The following HORMAD2 variants were observed in gnomAD, a reference collection of about 807,000 sequenced individuals.
HORMAD2 encodes HORMA domain-containing protein 2.
Under a neutral mutation model 38.8 loss-of-function variants are expected in HORMAD2, and 45 were observed. The observed-to-expected ratio is 1.16, with a 90% CI of 0.91 to 1.49. HORMAD2 has a LOEUF of 1.49. Ranked by LOEUF, HORMAD2 falls within the 40% of genes most tolerant of loss-of-function variation. The pLI is 0.00. For missense variants in HORMAD2, 338 were observed against 367.0 expected (o/e 0.92, Z 0.65); for synonymous variants, 126 against 122.8 (o/e 1.03, Z -0.17).
At position 30,121,652 on chromosome 22, in the gene HORMAD2, T is replaced by A; in HGVS notation, c.431T>A (p.Phe144Tyr). The A allele has an allele frequency of 1.9e-6, 3 of 1,598,858 alleles. No individual in the cohort carries two copies. The highest frequency in any genetic ancestry group is 1.7e-6 in the Non-Finnish European group (2 of 1,172,040). ...DFDSHSSSTS[F>Y]ESGTNNEDIK... Reference sequence around the variant, plus strand: ...TGTAGTCATAGCAGCAGTACAAGCTTTGAAAGTGGAACAAACAATGAAGAT... The same window carrying A: ...TGTAGTCATAGCAGCAGTACAAGCTATGAAAGTGGAACAAACAATGAAGAT... Residue 144 changes from phenylalanine to tyrosine, a missense_variant, in exon 9 of 11, where the codon TTT becomes TAT. Physicochemically the swap from Phe to Tyr is conservative, Grantham distance 22 (BLOSUM62 3). Transcript: ENST00000336726.
intron 3 of HORMAD2, among the ~76,000 whole-genome samples, chr22:30,100,903 G>A (rs1920938847): frequency 6.6e-6 from 1 of 152,188 alleles, no homozygotes; most frequent in African/African-American, 2.4e-5. Context: ...ATGCCAGTTA[G>A]AACGGAAATC....
the HORMAD2 span, among the ~76,000 whole-genome samples, chr22:30,205,863 G>C: frequency 6.6e-6 from 1 of 152,230 alleles, no homozygotes; most frequent in East Asian, 1.9e-4. Flanking sequence ...ACTCCAGCCT[G>C]ATGGAGAAAT....
At position 30,127,083 on chromosome 22, in the gene HORMAD2, T is replaced by C. The variant is rs528135691; in HGVS notation, c.819+4869T>C. The stretch of plus-strand genomic sequence containing the variant: ...ATTGTCTTTCAATCCTACTGATTTG[T>C]AGGAGCTCTGCATATATATTCTGCA... On this transcript the variant is annotated intron_variant, in intron 10 of 10. Coordinates refer to ENST00000336726, the MANE Select transcript of HORMAD2 (RefSeq NM_152510.4). 2.0e-5 allele frequency among the ~76,000 whole-genome samples: 3 copies of C among 152,246 alleles called. No individual in the cohort carries two copies. The South Asian group carries it at 6.2e-4, about 31-fold the overall frequency.
the HORMAD2 span, among the ~76,000 whole-genome samples, chr22:30,188,557 A>G: frequency 6.6e-6 from 1 of 152,208 alleles, no homozygotes; most frequent in Non-Finnish European, 1.5e-5. Flanking sequence ...TATGTACATA[A>G]ATTTCCACAA....
At chr22:30,178,398 G>A (rs1926569401), downstream of HORMAD2, among the ~76,000 whole-genome samples, 1 of 152,212 alleles carries the variant, frequency 6.6e-6, no homozygotes, top group Admixed American at 6.5e-5. Flanking sequence ...AGACAACAGA[G>A]AAGTTTCTGG....
chr22:30,197,966 C>T, the HORMAD2 span, among the ~76,000 whole-genome samples: 3 of 151,880 alleles, frequency 2.0e-5, no homozygotes, highest in African/African-American at 7.3e-5. Flanking sequence ...CACTTGAGGT[C>T]AGGAGTTCAA....
intron 3 of HORMAD2, among the ~76,000 whole-genome samples, chr22:30,101,393 A>G (rs1601516517): frequency 6.6e-6 from 1 of 151,272 alleles, no homozygotes; most frequent in African/African-American, 2.4e-5. Flanking sequence ...ATGAGAACAC[A>G]TGGAAACAGG....
the HORMAD2 span, among the ~76,000 whole-genome samples, chr22:30,195,624 T>C: frequency 6.6e-6 from 1 of 152,220 alleles, no homozygotes; most frequent in African/African-American, 2.4e-5. Context: ...TTTCTGAAGA[T>C]AGAAATTACC....
At chr22:30,111,614 C>T (rs1921661790) in intron 5 of HORMAD2, among the ~76,000 whole-genome samples, 182 bp from the exon 6 acceptor site, 1 of 152,168 alleles carries the variant, frequency 6.6e-6, no homozygotes, top group South Asian at 2.1e-4. Flanking sequence ...AGTCCTGGAA[C>T]TAATTCCTTC....
intron 10 of HORMAD2, among the ~76,000 whole-genome samples, chr22:30,128,570 T>A (rs1376493930): frequency 2.0e-5 from 3 of 152,182 alleles, no homozygotes; most frequent in Admixed American, 6.5e-5. Context: ...ATTTAAAAAA[T>A]TTTTCTACGA....
chr22:30,122,440 A>C (rs1922527767), intron 10 of HORMAD2, among the ~76,000 whole-genome samples: 1 of 152,172 alleles, frequency 6.6e-6, no homozygotes, highest in Non-Finnish European at 1.5e-5. Flanking sequence ...ATTTTCTAAT[A>C]TATTTATTTT....
the HORMAD2 span, among the ~76,000 whole-genome samples, chr22:30,199,737 C>CT: frequency 1.0e-3 from 147 of 143,114 alleles, 1 homozygote; most frequent in South Asian, 0.016. Context: ...TTTTTTCTTT[C>CT]TTTTTTTTTT....
chr22:30,085,431 A>G (rs2068554252), intron 1 of HORMAD2, among the ~76,000 whole-genome samples: 1 of 152,182 alleles, frequency 6.6e-6, no homozygotes, highest in Non-Finnish European at 1.5e-5. Flanking sequence ...TTGTGAATAT[A>G]CTAAAACCCA....
chr22:30,097,589 T>C (rs1007233053), intron 2 of HORMAD2, among the ~76,000 whole-genome samples: 8 of 152,102 alleles, frequency 5.3e-5, no homozygotes, highest in Admixed American at 5.2e-4. Context: ...AGTAGATGAA[T>C]AGCCACAATT....
At chr22:30,134,159 G>A (rs982860437) in intron 10 of HORMAD2, among the ~76,000 whole-genome samples, 5 of 151,998 alleles carry the variant, frequency 3.3e-5, no homozygotes, top group South Asian at 2.1e-4. Context: ...AGCACTCTGC[G>A]AGGCCAAGGC....
At chr22:30,146,833 T>C (rs1924449061) in intron 10 of HORMAD2, among the ~76,000 whole-genome samples, 1 of 152,148 alleles carries the variant, frequency 6.6e-6, no homozygotes, top group African/African-American at 2.4e-5. Context: ...AGAACTAATA[T>C]ATAATACATG....
At chr22:30,077,853 C>A (rs975092211), upstream of HORMAD2, among the ~76,000 whole-genome samples, 2 of 152,194 alleles carry the variant, frequency 1.3e-5, no homozygotes, top group Admixed American at 6.5e-5. Flanking sequence ...AATGTTGTTC[C>A]TTAAGTAACC....
intron 10 of HORMAD2, among the ~76,000 whole-genome samples, chr22:30,158,002 A>C (rs1925189107): frequency 6.6e-6 from 1 of 152,208 alleles, no homozygotes; most frequent in South Asian, 2.1e-4. Context: ...TACATATATT[A>C]ACACATATGT....
intron 10 of HORMAD2, among the ~76,000 whole-genome samples, chr22:30,131,684 T>C (rs1322254105): frequency 6.6e-6 from 1 of 152,228 alleles, no homozygotes; most frequent in Non-Finnish European, 1.5e-5. Context: ...TTTAAGCATA[T>C]CCCAAACATA....
Sources: allele counts gnomAD v4.1 joint callset (sites outside exome capture counted in the v4.1 genomes callset), GRCh38; gene constraint gnomAD v4.1.1; transcripts MANE v1.5; gene names NCBI Gene and HGNC (gene_info 2026-07-23, HGNC 2026-07-21).